The following SANBR variants were observed in gnomAD, a reference collection of about 807,000 sequenced individuals.
The protein encoded by SANBR is SANT and BTB domain regulator of CSR.
SANBR carries 77 observed loss-of-function variants against 101.8 expected under a neutral mutation model. The observed-to-expected ratio is 0.76, with a 90% CI of 0.63 to 0.91. The LOEUF is 0.91. Among genes scored for constraint, SANBR ranks in the 40% least tolerant of loss-of-function variants. The pLI, the probability that SANBR is intolerant of heterozygous loss-of-function variation, is 0.00. For synonymous variants in SANBR, 279 were observed against 274.7 expected (o/e 1.02, Z -0.15); for missense variants, 875 against 853.0 (o/e 1.03, Z -0.32).
chr2:61,124,351 TC>T, downstream of SANBR: 1 of 685,704 alleles, frequency 1.5e-6, no homozygotes, highest in African/African-American at 1.9e-5. Flanking sequence ...AGCTCTAGAT[TC>T]CACAGGTTTT....
intron 12 of SANBR, among the ~76,000 whole-genome samples, chr2:61,101,865 C>G (rs1683302935): frequency 6.6e-6 from 1 of 151,808 alleles, no homozygotes; most frequent in Admixed American, 6.6e-5. Flanking sequence ...GGCGAAAACA[C>G]TGTCTCTACT....
intron 6 of SANBR, among the ~76,000 whole-genome samples, chr2:61,078,277 G>C (rs1681899419): frequency 6.6e-6 from 1 of 152,146 alleles, no homozygotes; most frequent in Admixed American, 6.5e-5. Context: ...CAGATACATT[G>C]CAATTAACCT....
At chr2:61,128,271 C>CA (rs1200152788), downstream of SANBR, among the ~76,000 whole-genome samples, 15,183 of 104,640 alleles carry the variant, frequency 0.15, 972 homozygotes, top group African/African-American at 0.22. Context: ...GACTCTGTCT[C>CA]AAAAAAAAAA....
intron 21 of SANBR, among the ~76,000 whole-genome samples, 175 bp from the exon 22 acceptor site, chr2:61,121,951 A>G (rs937975638): frequency 6.6e-6 from 1 of 152,182 alleles, no homozygotes; most frequent in Non-Finnish European, 1.5e-5. Context: ...CTGAGAAGTA[A>G]CAAATCTCAA....
chr2:61,104,500 G>C (rs866225645), intron 13 of SANBR, among the ~76,000 whole-genome samples: 4 of 150,288 alleles, frequency 2.7e-5, no homozygotes, highest in Non-Finnish European at 5.9e-5. Flanking sequence ...AAAAAGAAAA[G>C]AGCCCTTGGT....
Position 61,120,305 on chromosome 2 carries a change from A to AG in SANBR, c.2029-880_2029-879insG, listed in dbSNP as rs1383090221. ...ATCACAAAGTCAAGAGATCAAGACC[A>AG]TCTGGCCAACATGGTGAAACCCCGT... On this transcript the variant is annotated intron_variant, in intron 20 of 21. Coordinates refer to ENST00000402291, the MANE Select transcript of SANBR (RefSeq NM_001129993.3). Among the ~76,000 whole-genome samples, 39 of 148,748 alleles carry AG rather than the reference A, an allele frequency of 2.6e-4. 1 individual carries two copies. The highest frequency in any genetic ancestry group is 9.4e-4 in the Admixed American group (14 of 14,960).
At chr2:61,097,400 C>A (rs1559111255) in intron 11 of SANBR, among the ~76,000 whole-genome samples, 3 of 152,020 alleles carry the variant, frequency 2.0e-5, no homozygotes, top group Admixed American at 1.3e-4. Flanking sequence ...TCAGGATTTA[C>A]TCTTTTTAAG....
chr2:61,066,664 CT>C (rs763497458), intron 1 of SANBR, among the ~76,000 whole-genome samples: 11 of 152,358 alleles, frequency 7.2e-5, no homozygotes, highest in Middle Eastern at 3.4e-3. Context: ...GGCCCCCTCT[CT>C]TCCCATCTTT....
At chr2:61,110,176 A>T (rs142235128) in intron 16 of SANBR, among the ~76,000 whole-genome samples, 2 of 152,284 alleles carry the variant, frequency 1.3e-5, no homozygotes, top group East Asian at 3.9e-4. Context: ...CTCTTAGTAT[A>T]AGGTTTTTGA....
intron 20 of SANBR, among the ~76,000 whole-genome samples, chr2:61,129,447 A>G (rs2104987799): frequency 6.6e-6 from 1 of 151,994 alleles, no homozygotes; most frequent in South Asian, 2.1e-4. Flanking sequence ...TCCATCTCAA[A>G]AAAAAAAACA....
chr2:61,076,418 C>T (rs977496170), intron 5 of SANBR, among the ~76,000 whole-genome samples: 1 of 147,892 alleles, frequency 6.8e-6, no homozygotes, highest in Non-Finnish European at 1.5e-5. Flanking sequence ...AAGATTGAGA[C>T]CATCCTGGCT....
chr2:61,092,241 G>A (rs1284507372), intron 10 of SANBR, among the ~76,000 whole-genome samples: 1 of 152,116 alleles, frequency 6.6e-6, no homozygotes, highest in African/African-American at 2.4e-5. Flanking sequence ...AAAATTAGCT[G>A]GGTGTGGTGG....
chr2:61,099,323 T>C (rs896927145), intron 12 of SANBR, among the ~76,000 whole-genome samples: 3 of 152,214 alleles, frequency 2.0e-5, no homozygotes, highest in South Asian at 2.1e-4. Context: ...AGAGAGCTGA[T>C]GTTAGCTTGG....
At chr2:61,088,990 T>G (rs1682599835) in intron 10 of SANBR, 2 of 899,034 alleles carry the variant, frequency 2.2e-6, no homozygotes, top group South Asian at 1.0e-4. Flanking sequence ...CATAATGTTT[T>G]ACACATTAAA....
intron 12 of SANBR, among the ~76,000 whole-genome samples, chr2:61,099,809 T>G (rs1420403072): frequency 6.6e-6 from 1 of 152,030 alleles, no homozygotes; most frequent in East Asian, 1.9e-4. Flanking sequence ...AATGTTGCCA[T>G]GAAAGTTGAG....
At chr2:61,106,729 G>C in intron 14 of SANBR, 67 bp downstream of exon 14, 1 of 974,752 alleles carries the variant, frequency 1.0e-6, no homozygotes, top group Non-Finnish European at 1.5e-6. Context: ...TCTTTGACAG[G>C]AACCTGATCA....
chr2:61,071,263 C>T (rs1355219750), intron 3 of SANBR, among the ~76,000 whole-genome samples: 2 of 151,988 alleles, frequency 1.3e-5, no homozygotes, highest in African/African-American at 4.8e-5. Flanking sequence ...TAAAAAATTC[C>T]CAAACCGCTG....
intron 1 of SANBR, chr2:61,066,421 C>T (rs1681166841): frequency 6.6e-6 from 1 of 152,584 alleles, no homozygotes; most frequent in South Asian, 2.1e-4. Context: ...CTGGGGGTGC[C>T]CCGAGGACGC....
At chr2:61,078,246 G>A (rs967474481) in intron 6 of SANBR, among the ~76,000 whole-genome samples, 2 of 152,154 alleles carry the variant, frequency 1.3e-5, no homozygotes, top group East Asian at 3.9e-4. Flanking sequence ...AACGGAGTCA[G>A]AAAAGTTCAC....
Sources: gnomAD v4.1 joint callset for allele counts (sites outside exome capture counted in the v4.1 genomes callset) on GRCh38, gnomAD v4.1.1 for gene constraint, MANE v1.5 for transcripts, NCBI Gene and HGNC (gene_info 2026-07-23, HGNC 2026-07-21) for gene names.